Variants in TRIM9 observed in about 807,000 individuals in gnomAD.
TRIM9 encodes the protein tripartite motif containing 9.
TRIM9 carries 26 observed loss-of-function variants against 78.3 expected under a neutral mutation model. The ratio of observed to expected loss-of-function variants is 0.33; its 90% CI spans 0.24 to 0.46. The LOEUF is 0.46. Among genes scored for constraint, TRIM9 ranks in the 20% least tolerant of loss-of-function variants. TRIM9 has a pLI of 1.00. For missense variants in TRIM9, 787 were observed against 1,036.4 expected, an observed-to-expected ratio of 0.76 and a Z score of 3.30; for synonymous variants, 398 against 416.5, an observed-to-expected ratio of 0.96 and a Z score of 0.54.
intron 11 of TRIM9, among the ~76,000 whole-genome samples, chr14:50,981,491 G>A (rs142563653): frequency 6.6e-6 from 1 of 152,182 alleles, no homozygotes; most frequent in South Asian, 2.1e-4. Context: ...CTGTTAAGTT[G>A]TAGGTCTGGG....
rs148279505 is a variant in TRIM9, at chr14:51,044,648, A to C, written c.823-19288T>G. Among the ~76,000 whole-genome samples the C allele has an allele frequency of 2.3e-3, 345 of 152,308 alleles. 2 individuals are homozygous for C. The highest frequency in any genetic ancestry group is 7.4e-3 in the African/African-American group (307 of 41,566). ...ATTGTGGACCAGGAAGAAGTAACCTAAGTCCCGGATGACAGTGCAGCCACT... is the reference window on the plus strand; with the variant it reads ...ATTGTGGACCAGGAAGAAGTAACCTCAGTCCCGGATGACAGTGCAGCCACT... On this transcript the variant is annotated intron_variant, in intron 1 of 12. Transcript: ENST00000684578.
intron 1 of TRIM9, among the ~76,000 whole-genome samples, chr14:51,051,607 T>G (rs111474375): frequency 6.6e-6 from 1 of 152,174 alleles, no homozygotes; most frequent in South Asian, 2.1e-4. Context: ...TATAATGCAA[T>G]TAGCTATTAA....
At chr14:50,984,134 G>A in intron 8 of TRIM9, among the ~76,000 whole-genome samples, 1 of 152,190 alleles carries the variant, frequency 6.6e-6, no homozygotes, top group Non-Finnish European at 1.5e-5. Flanking sequence ...TGTGGAGGAA[G>A]ACTGCCTAGT....
chr14:51,026,112 AC>A (rs1478529325), intron 1 of TRIM9, among the ~76,000 whole-genome samples: 1 of 152,140 alleles, frequency 6.6e-6, no homozygotes, highest in Non-Finnish European at 1.5e-5. Flanking sequence ...GACGGACGAC[AC>A]CTAAGTGGAA....
chr14:51,021,090 G>A (rs1359789090), intron 3 of TRIM9, among the ~76,000 whole-genome samples: 2 of 152,136 alleles, frequency 1.3e-5, no homozygotes, highest in South Asian at 4.2e-4. Flanking sequence ...TATGTGATTC[G>A]AATGATATTT....
At chr14:51,009,591 C>T (rs2056303740) in intron 4 of TRIM9, among the ~76,000 whole-genome samples, 1 of 152,196 alleles carries the variant, frequency 6.6e-6, no homozygotes, top group Admixed American at 6.5e-5. Context: ...ATCAATAGCT[C>T]AACCCTTCTA....
At chr14:50,985,798 T>C (rs2052627238) in intron 8 of TRIM9, among the ~76,000 whole-genome samples, 158 bp downstream of exon 8, 1 of 152,124 alleles carries the variant, frequency 6.6e-6, no homozygotes, top group Admixed American at 6.5e-5. Context: ...GCCACAAAGC[T>C]CCACCATCCC....
At position 50,984,006 on chromosome 14, in the gene TRIM9, G is replaced by A. The variant is rs149891081; in HGVS notation, c.1793-585C>T. On this transcript the variant is annotated intron_variant, in intron 8 of 12. Transcript: ENST00000684578. ...GATCCTTCTCACCTGAGGGAGGGGA[G>A]GAGGGATGGTAGGAGTGGGTGTGGT... Among the ~76,000 whole-genome samples the A allele has an allele frequency of 3.0e-3, 457 of 152,316 alleles. 2 individuals carry two copies. Among genetic ancestry groups the A allele is most frequent in the African/African-American group, 0.01 (433 of 41,564 alleles).
chr14:51,069,007 G>A (rs147103595), intron 1 of TRIM9, among the ~76,000 whole-genome samples: 5 of 152,272 alleles, frequency 3.3e-5, no homozygotes, highest in Admixed American at 3.3e-4. Flanking sequence ...AGAGGGAGAT[G>A]AGTGTGGGGT....
intron 1 of TRIM9, among the ~76,000 whole-genome samples, chr14:51,035,729 C>T (rs893245358): frequency 1.3e-5 from 2 of 152,008 alleles, no homozygotes; most frequent in African/African-American, 2.4e-5. Flanking sequence ...TAGGGCTCTT[C>T]GAAAAGAAAG....
chr14:51,009,275 C>T (rs2056254160), intron 4 of TRIM9, 42 bp from the exon 5 acceptor site: 1 of 1,609,952 alleles, frequency 6.2e-7, no homozygotes, highest in Non-Finnish European at 8.5e-7. Flanking sequence ...AATACACCAC[C>T]ACACTTGAAA....
chr14:51,011,575 A>C (rs2056585913), intron 3 of TRIM9, among the ~76,000 whole-genome samples: 1 of 152,190 alleles, frequency 6.6e-6, no homozygotes, highest in Non-Finnish European at 1.5e-5. Flanking sequence ...AAAAGCCTAA[A>C]ATACATCTAG....
chr14:51,009,708 G>A (rs1360965902), intron 4 of TRIM9, among the ~76,000 whole-genome samples: 1 of 152,182 alleles, frequency 6.6e-6, no homozygotes, highest in Non-Finnish European at 1.5e-5. Context: ...ATCTTCATGT[G>A]ATTATCACTG....
intron 1 of TRIM9, among the ~76,000 whole-genome samples, chr14:51,073,612 G>A (rs2140251479): frequency 6.6e-6 from 1 of 152,322 alleles, no homozygotes; most frequent in Non-Finnish European, 1.5e-5. Flanking sequence ...GCTGCTAGAA[G>A]GTTATCCTTG....
intron 5 of TRIM9, among the ~76,000 whole-genome samples, chr14:51,008,705 T>A (rs1028487263): frequency 6.6e-6 from 1 of 152,256 alleles, no homozygotes; most frequent in Non-Finnish European, 1.5e-5. Context: ...TCTCTATCCA[T>A]GTGGAAGCAA....
At chr14:50,997,697 C>A in intron 7 of TRIM9, 1 of 1,161,850 alleles carries the variant, frequency 8.6e-7, no homozygotes, top group East Asian at 4.4e-5. Flanking sequence ...TGATGTGTAT[C>A]GGTGGAGAAT....
intron 1 of TRIM9, among the ~76,000 whole-genome samples, chr14:51,065,670 G>C (rs1252032352): frequency 6.6e-6 from 1 of 152,212 alleles, no homozygotes; most frequent in Admixed American, 6.5e-5. Flanking sequence ...AGTGGCCATA[G>C]AGGCCTGGAG....
rs2057831037 is a variant in TRIM9 at position 51,022,298 on chromosome 14, A to G, written c.1041+537T>C. On this transcript the variant is annotated intron_variant, in intron 3 of 12. Transcript: ENST00000684578. ...TAATTATCATGGGAGTGGGCTCCCA[A>G]TAAAAGGTTGAAGTTTGGCTCTTAT... Among the ~76,000 whole-genome samples, 3 of 152,166 alleles carry G rather than the reference A, an allele frequency of 2.0e-5. No individual in the cohort carries two copies. In the South Asian group the frequency reaches 6.2e-4, roughly 32 times the overall value.
intron 1 of TRIM9, among the ~76,000 whole-genome samples, chr14:51,039,216 C>T (rs892936728): frequency 1.3e-5 from 2 of 152,204 alleles, no homozygotes; most frequent in East Asian, 3.8e-4. Flanking sequence ...TCTAGACCCT[C>T]ACATGTTGCT....
Sources: allele counts gnomAD v4.1 joint callset (sites outside exome capture counted in the v4.1 genomes callset), GRCh38; gene constraint gnomAD v4.1.1; transcripts MANE v1.5; gene names NCBI Gene and HGNC (gene_info 2026-07-23, HGNC 2026-07-21).